Variants in OTC observed in about 807,000 individuals in gnomAD.
The protein encoded by OTC is ornithine transcarbamylase, mitochondrial.
Under a neutral mutation model 30.3 loss-of-function variants are expected in OTC, and 3 were observed. The ratio of observed to expected loss-of-function variants is 0.10; its 90% CI spans 0.05 to 0.26. The LOEUF (loss-of-function observed/expected upper bound fraction) is 0.26. Ranked by LOEUF, OTC falls within the 10% of genes least tolerant of loss-of-function variation. The pLI is 1.00. For missense variants in OTC, 194 were observed against 260.3 expected, an observed-to-expected ratio of 0.75 and a Z score of 1.75; for synonymous variants, 111 against 99.7, an observed-to-expected ratio of 1.11 and a Z score of -0.67.
At chrX:38,404,930 C>T (rs1168811452) in intron 6 of OTC, among the ~76,000 whole-genome samples, 1 of 111,697 alleles carries the variant, frequency 9.0e-6, no homozygotes, top group Admixed American at 9.5e-5. Flanking sequence ...CCTGATCTCA[C>T]AGGTGAGCTC....
intron 9 of OTC, among the ~76,000 whole-genome samples, chrX:38,417,488 C>A (rs2068575530): frequency 9.0e-6 from 1 of 111,290 alleles, no homozygotes. Flanking sequence ...CAGGTAGGTG[C>A]AGATCCACCT....
At chrX:38,338,034 C>G in the OTC span, among the ~76,000 whole-genome samples, 608 of 112,026 alleles carry the variant, frequency 5.4e-3, 3 homozygotes, top group African/African-American at 0.019. Flanking sequence ...GTTTGGCATT[C>G]ATGGGGTCTT....
chrX:38,357,004 C>A (rs1010825608), intron 1 of OTC, among the ~76,000 whole-genome samples: 10 of 110,660 alleles, frequency 9.0e-5, no homozygotes, highest in African/African-American at 3.3e-4. Context: ...TTCTAATATG[C>A]CTTTTTGAGA....
At chrX:38,333,644 A>T in the OTC span, among the ~76,000 whole-genome samples, 5 of 111,976 alleles carry the variant, frequency 4.5e-5, no homozygotes. Flanking sequence ...TTGTATGTCA[A>T]CTAGAAATAG....
chrX:38,356,865 T>C (rs1159215435), intron 1 of OTC, among the ~76,000 whole-genome samples: 2 of 112,249 alleles, frequency 1.8e-5, no homozygotes, highest in Non-Finnish European at 3.8e-5. Flanking sequence ...AGTAAACTTT[T>C]ATTAATACAT....
chrX:38,332,523 T>TATATATAC, the OTC span, among the ~76,000 whole-genome samples: 2 of 86,379 alleles, frequency 2.3e-5, 1 homozygote, highest in South Asian at 1.2e-3. Context: ...TATATATATA[T>TATATATAC]ATATATATAT....
At chrX:38,339,345 A>G in the OTC span, among the ~76,000 whole-genome samples, 1 of 111,119 alleles carries the variant, frequency 9.0e-6, no homozygotes, top group African/African-American at 3.3e-5. Context: ...TGCTTACATG[A>G]GGAGTTTAAT....
At chrX:38,403,434 C>T (rs1394314990) in intron 5 of OTC, among the ~76,000 whole-genome samples, 184 bp from the exon 6 acceptor site, 1 of 77,899 alleles carries the variant, frequency 1.3e-5, no homozygotes, top group African/African-American at 6.9e-5. Context: ...GACATTTTAC[C>T]ACGTTTTTGG....
chrX:38,340,473 G>GT, the OTC span, among the ~76,000 whole-genome samples: 8,358 of 55,918 alleles, frequency 0.15, 726 homozygotes, highest in East Asian at 0.36. Context: ...TTTTTTTTTT[G>GT]TTTTTTTTTT....
chrX:38,383,771 C>T (rs1407561854), intron 4 of OTC, among the ~76,000 whole-genome samples: 2 of 106,405 alleles, frequency 1.9e-5, no homozygotes, highest in Non-Finnish European at 3.9e-5. Context: ...GCACTCCAGC[C>T]TGGGCAAGAA....
chrX:38,340,297 G>A, the OTC span, among the ~76,000 whole-genome samples: 4 of 111,201 alleles, frequency 3.6e-5, no homozygotes, highest in African/African-American at 1.3e-4. Flanking sequence ...AGAGAAATAA[G>A]TGGGTTTCCA....
the OTC span, among the ~76,000 whole-genome samples, chrX:38,328,805 T>C: frequency 8.9e-6 from 1 of 112,025 alleles, no homozygotes; most frequent in Non-Finnish European, 1.9e-5. Context: ...CAGAGGCTAT[T>C]GCAGAATTTC....
At chrX:38,354,749 A>T (rs959618228) in intron 1 of OTC, among the ~76,000 whole-genome samples, 2 of 111,775 alleles carry the variant, frequency 1.8e-5, no homozygotes, top group Non-Finnish European at 1.9e-5. Flanking sequence ...CTCTATTGAA[A>T]AATGAGATAA....
In OTC at chrX:38,381,623, T is replaced by A. The variant is rs147388232; in HGVS notation, c.386+194T>A. 2.6e-3 allele frequency among the ~76,000 whole-genome samples: 297 copies of A among 112,159 alleles called. 7 individuals are homozygous for A. In the East Asian group the frequency reaches 0.064, roughly 24 times the overall value. Reference sequence around the variant, plus strand: ...TTTCCATCGGTTGAAATAATTTTTCTTGGCAATTTTTTGAAGAAGCTTCTG... The same window carrying A: ...TTTCCATCGGTTGAAATAATTTTTCATGGCAATTTTTTGAAGAAGCTTCTG... On this transcript the variant is annotated intron_variant, in intron 4 of 9. Transcript: ENST00000039007.
At chrX:38,329,417 A>G in the OTC span, among the ~76,000 whole-genome samples, 1 of 111,769 alleles carries the variant, frequency 8.9e-6, no homozygotes, top group Non-Finnish European at 1.9e-5. Flanking sequence ...AGATACTTGC[A>G]ACACTGGAAA....
At chrX:38,353,043 A>G (rs962742854) in intron 1 of OTC, among the ~76,000 whole-genome samples, 5 of 111,923 alleles carry the variant, frequency 4.5e-5, no homozygotes, top group Non-Finnish European at 9.4e-5. Context: ...CTAAACGAGC[A>G]AGTGGCTGAA....
At chrX:38,342,138 G>A in the OTC span, among the ~76,000 whole-genome samples, 3 of 105,157 alleles carry the variant, frequency 2.9e-5, no homozygotes, top group African/African-American at 1.0e-4. Flanking sequence ...TCCTGCCTCA[G>A]CCTCTCGATG....
At chrX:38,412,056 T>C in intron 9 of OTC, 57 bp downstream of exon 9, 1 of 1,106,166 alleles carries the variant, frequency 9.0e-7, no homozygotes, top group Non-Finnish European at 1.2e-6. Context: ...AACTTGGTCA[T>C]TCATGCCTTT....
chrX:38,343,191 A>T, the OTC span, among the ~76,000 whole-genome samples: 1 of 111,946 alleles, frequency 8.9e-6, no homozygotes, highest in Non-Finnish European at 1.9e-5. Context: ...GTCAGTAGAA[A>T]GCAATGAAAA....
Sources: gnomAD v4.1 joint callset for allele counts (sites outside exome capture counted in the v4.1 genomes callset) on GRCh38, gnomAD v4.1.1 for gene constraint, MANE v1.5 for transcripts, NCBI Gene and HGNC (gene_info 2026-07-23, HGNC 2026-07-21) for gene names.